The following ZNF91 variants were observed in gnomAD, a reference collection of about 807,000 sequenced individuals.
ZNF91 encodes zinc finger protein 91, also known as zinc finger protein 91 (HPF7, HTF10).
Under a neutral mutation model 12.6 loss-of-function variants are expected in ZNF91, and 7 were observed. That is an observed-to-expected ratio of 0.55 (90% CI 0.31 to 1.04). ZNF91 has a LOEUF of 1.04. Among genes scored for constraint, ZNF91 ranks in the 50% least tolerant of loss-of-function variants. The pLI, the probability that ZNF91 is intolerant of heterozygous loss-of-function variation, is 0.05. For missense variants in ZNF91, 1,217 were observed against 1,385.4 expected (o/e 0.88, Z 1.93); for synonymous variants, 453 against 462.6 (o/e 0.98, Z 0.27).
At chr19:23,341,391 C>T (rs1022096114) in intron 3 of ZNF91, among the ~76,000 whole-genome samples, 2 of 151,982 alleles carry the variant, frequency 1.3e-5, no homozygotes, top group Non-Finnish European at 2.9e-5. Flanking sequence ...TGGGTATCTA[C>T]CCAAAGAAAA....
chr19:23,330,592 AG>A (rs1458555765), intron 1 of ZNF91, among the ~76,000 whole-genome samples: 2 of 152,144 alleles, frequency 1.3e-5, no homozygotes, highest in African/African-American at 4.8e-5. Flanking sequence ...CTCTTGCTTG[AG>A]CCCATGGATA....
At chr19:23,325,079 C>A (rs1334923732) in intron 1 of ZNF91, 1 of 151,438 alleles carries the variant, frequency 6.6e-6, no homozygotes, top group Admixed American at 6.6e-5. Flanking sequence ...ATACTTTTAG[C>A]AAACAAGTGC....
At chr19:23,374,557 CT>C (rs1969427971) in intron 2 of ZNF91, 80 bp downstream of exon 2, 1 of 1,101,044 alleles carries the variant, frequency 9.1e-7, no homozygotes, top group Non-Finnish European at 1.2e-6. Context: ...AAGACTCTGT[CT>C]CAAAAAAAAA....
upstream of ZNF91, among the ~76,000 whole-genome samples, chr19:23,311,736 C>T (rs1967474647): frequency 6.6e-6 from 1 of 152,166 alleles, no homozygotes; most frequent in South Asian, 2.1e-4. Context: ...ATATAACTCT[C>T]TTTTCCTGCC....
chr19:23,388,796 C>G (rs990989047), intron 1 of ZNF91, among the ~76,000 whole-genome samples: 2 of 152,062 alleles, frequency 1.3e-5, no homozygotes, highest in Non-Finnish European at 2.9e-5. Context: ...ATTGCTTGAA[C>G]CCAGGAGGTG....
intron 3 of ZNF91, among the ~76,000 whole-genome samples, chr19:23,369,205 G>A (rs1969155928): frequency 6.6e-6 from 1 of 152,138 alleles, no homozygotes; most frequent in African/African-American, 2.4e-5. Flanking sequence ...AGCTAGTCAG[G>A]AGGCTGAGGC....
chr19:23,394,729 A>AAAAAC (rs905720306), intron 1 of ZNF91, among the ~76,000 whole-genome samples: 11 of 152,180 alleles, frequency 7.2e-5, no homozygotes, highest in African/African-American at 2.4e-4. Context: ...CTCCTTTTCA[A>AAAAAC]AAAACAAAAC....
downstream of ZNF91, among the ~76,000 whole-genome samples, chr19:23,336,631 G>A (rs973364206): frequency 1.3e-5 from 2 of 152,180 alleles, no homozygotes; most frequent in Non-Finnish European, 2.9e-5. Flanking sequence ...CTTCCAGCTC[G>A]CTTATCTATG....
downstream of ZNF91, chr19:23,338,232 CAA>C (rs748986794): frequency 9.9e-5 from 15 of 151,764 alleles, no homozygotes; most frequent in Non-Finnish European, 1.9e-4. Flanking sequence ...TATCTAAAGT[CAA>C]AGTGAAGGAA....
rs761803358 is a variant in ZNF91, at chr19:23,373,731, C to T, written c.253+11G>A. On this transcript the variant is annotated intron_variant, in intron 3 of 3. Transcript: ENST00000300619. ...TCATCCTTGTCGTCTGTTGTATTCA[C>T]TCTCACCTACCTGTGGGTTCATCCA... 1.7e-5 allele frequency: 27 copies of T among 1,605,596 alleles called. No individual in the cohort carries two copies. In the Admixed American group the frequency reaches 3.5e-4, roughly 21 times the overall value.
intron 3 of ZNF91, chr19:23,342,331 C>T: frequency 2.7e-6 from 1 of 367,518 alleles, no homozygotes; most frequent in Non-Finnish European, 4.9e-6. Flanking sequence ...GTACTATGTT[C>T]AGTAGAGAGG....
At chr19:23,365,940 A>G (rs929357632) in intron 3 of ZNF91, among the ~76,000 whole-genome samples, 22 of 152,228 alleles carry the variant, frequency 1.4e-4, no homozygotes, top group Admixed American at 3.9e-4. Flanking sequence ...AGTACAGAAC[A>G]AAGTGAAAAG....
intron 3 of ZNF91, among the ~76,000 whole-genome samples, chr19:23,341,713 TA>T (rs1024863021): frequency 1.3e-5 from 2 of 150,872 alleles, no homozygotes; most frequent in Non-Finnish European, 1.5e-5. Context: ...TTGCTAATAT[TA>T]AAAAAAAATA....
chr19:23,320,251 A>G (rs992687936), intron 1 of ZNF91, among the ~76,000 whole-genome samples: 30 of 152,314 alleles, frequency 2.0e-4, no homozygotes, highest in Non-Finnish European at 3.7e-4. Context: ...GACACAGCCA[A>G]TTGGGGAGGT....
intron 3 of ZNF91, among the ~76,000 whole-genome samples, chr19:23,347,898 G>A (rs295384): frequency 0.1 from 15,766 of 152,084 alleles, 1,250 homozygotes; most frequent in East Asian, 0.37. Flanking sequence ...GTCTTTGTCC[G>A]TACTTTCTCT....
chr19:23,361,624 T>A lies in ZNF91; in HGVS notation c.1355A>T (p.His452Leu). The change falls in exon 4 of 4, where the codon CAT (histidine) becomes CTT (leucine). Residue 452 changes from histidine (H) to leucine (L), a missense_variant. Transcript: ENST00000300619. ...TTTCTCTCTAGTATGAAATCTTTTA[T>A]GTTTAGTAAGGCTTGAGGACCAGTT... ...AFNWSSSLTKHKRFHTREKPF... is the reference protein window; with the variant it reads ...AFNWSSSLTKLKRFHTREKPF... 6.2e-7 allele frequency: 1 copy of A among 1,613,838 alleles called. No individual in the cohort carries two copies. Among genetic ancestry groups the A allele is most frequent in the Non-Finnish European group, 8.5e-7 (1 of 1,179,844 alleles).
downstream of ZNF91, among the ~76,000 whole-genome samples, chr19:23,335,938 C>G (rs1036857243): frequency 2.0e-5 from 3 of 152,140 alleles, no homozygotes; most frequent in Non-Finnish European, 4.4e-5. Context: ...TGTTCCTATT[C>G]GGCCATCTTG....
At chr19:23,339,153 A>G (rs552595577) in intron 3 of ZNF91, 19 of 152,252 alleles carry the variant, frequency 1.2e-4, no homozygotes, top group African/African-American at 4.6e-4. Context: ...TGTAAGACAC[A>G]TATAGATTAA....
At chr19:23,323,070 GTTT>G (rs970551273) in intron 1 of ZNF91, among the ~76,000 whole-genome samples, 14 of 117,558 alleles carry the variant, frequency 1.2e-4, no homozygotes, top group African/African-American at 3.3e-4. Flanking sequence ...TCATCCTCCC[GTTT>G]TTTTCTTTTC....
Sources: allele counts gnomAD v4.1 joint callset (sites outside exome capture counted in the v4.1 genomes callset), GRCh38; gene constraint gnomAD v4.1.1; transcripts MANE v1.5; gene names NCBI Gene and HGNC (gene_info 2026-07-23, HGNC 2026-07-21).